The following ZNF514 variants were observed in gnomAD, a reference collection of about 807,000 sequenced individuals.
ZNF514 encodes the protein zinc finger protein 514.
Under a neutral mutation model 9.7 loss-of-function variants are expected in ZNF514, and 12 were observed. The observed-to-expected ratio is 1.24, with a 90% confidence interval of 0.79 to 2.01. The LOEUF is 2.01. Among genes scored for constraint, ZNF514 ranks in the 30% most tolerant of loss-of-function variants. ZNF514 has a pLI of 0.00. For synonymous variants in ZNF514, 158 were observed against 163.7 expected (o/e 0.97, Z 0.27); for missense variants, 467 against 465.5 (o/e 1.00, Z -0.03).
At chr2:95,131,713 C>A in the ZNF514 span, among the ~76,000 whole-genome samples, 1 of 152,296 alleles carries the variant, frequency 6.6e-6, no homozygotes, top group Non-Finnish European at 1.5e-5. Flanking sequence ...GCCTTTTCAA[C>A]AAATGGTGCA....
At chr2:95,158,788 C>G (rs1673755937) in intron 1 of ZNF514, 1 of 1,239,080 alleles carries the variant, frequency 8.1e-7, no homozygotes, top group Non-Finnish European at 1.0e-6. Context: ...ACCCAGGAGA[C>G]TGCGGCTTCA....
Position 95,149,515 on chromosome 2 carries a change from T to A in ZNF514, c.970A>T (p.Thr324Ser). The A allele has an allele frequency of 6.2e-7, 1 of 1,613,534 alleles. No homozygotes were observed. Among genetic ancestry groups the A allele is most frequent in the Admixed American group, 1.7e-5 (1 of 59,954 alleles). Residue 324 changes from threonine to serine, a missense_variant, in exon 5 of 5, where the codon ACC (threonine) becomes TCC (serine). Physicochemically the swap from Thr to Ser is moderately conservative, Grantham distance 58 (BLOSUM62 1). Transcript: ENST00000295208. ...KPYECRECGR[T>S]FSQSSSLIVH... ...ATGAGTGATGAGCTCTGGCTGAAGG[T>A]TCTCCCACATTCCCGGCATTCATAG...
At chr2:95,144,001 A>G (rs1200831679), downstream of ZNF514, among the ~76,000 whole-genome samples, 1 of 152,216 alleles carries the variant, frequency 6.6e-6, no homozygotes, top group Non-Finnish European at 1.5e-5. Flanking sequence ...CCACAGTGTC[A>G]ATTACCATCT....
In ZNF514 at chr2:95,159,273, GGA is replaced by G; in HGVS notation, c.-131_-130del. 6.1e-6 allele frequency: 1 copy of G among 164,210 alleles called. No individual in the cohort carries two copies. 10.2% of individuals were successfully genotyped at this position (164,210 alleles called of 1,614,324 possible). A position where few individuals can be genotyped will look rare whatever the true frequency, so the allele number is the denominator to read the frequency against. Reference sequence around the variant, plus strand: ...CGGCTCCTCCTCAGGACCAGGCTCTGGAACCCAGCTCCCACGTGGATCCACAC... The same window carrying G: ...CGGCTCCTCCTCAGGACCAGGCTCTGACCCAGCTCCCACGTGGATCCACAC... On this transcript the variant is annotated 5_prime_UTR_variant, in exon 1 of 5. Coordinates refer to ENST00000295208, the MANE Select transcript of ZNF514 (RefSeq NM_032788.3).
chr2:95,125,856 T>G, the ZNF514 span, among the ~76,000 whole-genome samples: 5 of 152,248 alleles, frequency 3.3e-5, no homozygotes, highest in African/African-American at 1.2e-4. Flanking sequence ...TATCCATTCA[T>G]CTGTCAATGG....
chr2:95,126,392 A>AAAAAAAAAAAAAAAAAAAAAG, the ZNF514 span, among the ~76,000 whole-genome samples: 13 of 84,444 alleles, frequency 1.5e-4, no homozygotes, highest in South Asian at 3.7e-4. Flanking sequence ...AAAAAAAAAA[A>AAAAAAAAAAAAAAAAAAAAAG]AAAGAAAGAA....
rs1673340220 is a variant in ZNF514, at chr2:95,145,581, T to TCTGG, written c.*3700_*3701insCCAG. Among the ~76,000 whole-genome samples, 1 of 152,152 alleles carries TCTGG rather than the reference T, an allele frequency of 6.6e-6. No homozygotes were observed. Among genetic ancestry groups the TCTGG allele is most frequent in the Non-Finnish European group, 1.5e-5 (1 of 68,032 alleles). On this transcript the variant is annotated 3_prime_UTR_variant, in exon 5 of 5. Coordinates refer to ENST00000295208, the MANE Select transcript of ZNF514 (RefSeq NM_032788.3). ...CTTCTATTGATTCCAGGTCTTTGGA[T>TCTGG]AAACCCACTGCCAATCAGAAAATCT...
chr2:95,158,625 TGGCCAA>T (rs1225231555), intron 1 of ZNF514, among the ~76,000 whole-genome samples: 3 of 152,244 alleles, frequency 2.0e-5, no homozygotes, highest in Admixed American at 1.3e-4. Context: ...CTCTGATCCC[TGGCCAA>T]GGGCCACTCC....
downstream of ZNF514, among the ~76,000 whole-genome samples, chr2:95,144,001 A>T (rs1200831679): frequency 6.6e-6 from 1 of 152,216 alleles, no homozygotes; most frequent in Non-Finnish European, 1.5e-5. Flanking sequence ...CCACAGTGTC[A>T]ATTACCATCT....
the ZNF514 span, among the ~76,000 whole-genome samples, chr2:95,126,416 G>GAAAA: frequency 7.9e-6 from 1 of 127,178 alleles, no homozygotes. Flanking sequence ...AAGAAAGGAA[G>GAAAA]AAAAAAAGAA....
At chr2:95,134,031 T>C in the ZNF514 span, among the ~76,000 whole-genome samples, 1 of 152,220 alleles carries the variant, frequency 6.6e-6, no homozygotes, top group Non-Finnish European at 1.5e-5. Context: ...AAAATTTTAA[T>C]GTAACAAGTA....
chr2:95,159,634 C>A lies in ZNF514; in HGVS notation c.-490G>T, dbSNP rs1202109992. 1 of 117,684 alleles carries A rather than the reference C, an allele frequency of 8.5e-6. No homozygotes were observed. The highest frequency in any genetic ancestry group is 2.4e-4 in the East Asian group (1 of 4,126). 7.3% of individuals were successfully genotyped at this position (117,684 alleles called of 1,614,324 possible). A position where few individuals can be genotyped will look rare whatever the true frequency, so the allele number is the denominator to read the frequency against. On this transcript the variant is annotated 5_prime_UTR_variant, in exon 1 of 5. Coordinates refer to ENST00000295208, the MANE Select transcript of ZNF514 (RefSeq NM_032788.3). ...GCCCCCGCCCGCCACCCCGCGCCAG[C>A]CCCCGCCCGCCACCCCGCGCCAGCC...
At position 95,149,449 on chromosome 2, in the gene ZNF514, A is replaced by C; in HGVS notation, c.1036T>G (p.Cys346Gly). Residue 346 changes from cysteine (C) to glycine (G), a missense_variant, in exon 5 of 5, where the codon TGT (cysteine) becomes GGT (glycine). Coordinates refer to ENST00000295208, the MANE Select transcript of ZNF514 (RefSeq NM_032788.3). ...RFHTGEKPYKCNKCGRAFSQS... is the reference protein window; with the variant it reads ...RFHTGEKPYKGNKCGRAFSQS... ...CTGAAGGCTCTCCCACATTTATTAC[A>C]TTTGTAAGGTTTCTCTCCAGTATGA... The C allele has an allele frequency of 6.2e-7, 1 of 1,613,838 alleles. No homozygotes were observed. The highest frequency in any genetic ancestry group is 8.5e-7 in the Non-Finnish European group (1 of 1,179,956).
the ZNF514 span, among the ~76,000 whole-genome samples, chr2:95,127,923 G>C: frequency 1.3e-5 from 2 of 151,884 alleles, no homozygotes. Context: ...GTTTTAGTTT[G>C]ATGGTAGCTG....
chr2:95,127,766 G>C, the ZNF514 span, among the ~76,000 whole-genome samples: 6 of 152,096 alleles, frequency 3.9e-5, no homozygotes, highest in Admixed American at 3.3e-4. Context: ...CTGCCACCAC[G>C]CCCGGCTAAT....
At chr2:95,137,971 A>G in the ZNF514 span, among the ~76,000 whole-genome samples, 2 of 152,098 alleles carry the variant, frequency 1.3e-5, no homozygotes, top group African/African-American at 4.8e-5. Flanking sequence ...TGCCCCCATC[A>G]ACTCTTTCTC....
At chr2:95,153,434 T>A (rs1357615036) in intron 2 of ZNF514, 175 bp from the exon 3 acceptor site, 1 of 511,716 alleles carries the variant, frequency 2.0e-6, no homozygotes, top group African/African-American at 1.9e-5. Context: ...TCTAGTTACA[T>A]TTAATTGGAA....
At chr2:95,153,514 A>C in intron 2 of ZNF514, 1 of 296,842 alleles carries the variant, frequency 3.4e-6, no homozygotes, top group Non-Finnish European at 6.1e-6. Flanking sequence ...TTTCTAATAA[A>C]GTATTTTTGA....
intron 1 of ZNF514, among the ~76,000 whole-genome samples, chr2:95,158,293 G>C (rs965014602): frequency 6.6e-6 from 1 of 152,194 alleles, no homozygotes; most frequent in Non-Finnish European, 1.5e-5. Flanking sequence ...GGAAAAAAGA[G>C]GGGGTGGGAA....
Sources: allele counts gnomAD v4.1 joint callset (sites outside exome capture counted in the v4.1 genomes callset), GRCh38; gene constraint gnomAD v4.1.1; transcripts MANE v1.5; gene names NCBI Gene and HGNC (gene_info 2026-07-23, HGNC 2026-07-21).